The following PDE10A variants were observed in gnomAD, a reference collection of about 807,000 sequenced individuals.
PDE10A encodes the protein phosphodiesterase 10A.
PDE10A carries 39 observed loss-of-function variants against 97.7 expected under a neutral mutation model. The observed-to-expected ratio is 0.40, with a 90% CI of 0.31 to 0.52. PDE10A has a LOEUF of 0.52. Ranked by LOEUF, PDE10A falls within the 20% of genes least tolerant of loss-of-function variation. The pLI is 0.56. For synonymous variants in PDE10A, 371 were observed against 376.8 expected (o/e 0.98, Z 0.18); for missense variants, 731 against 1,047.8 (o/e 0.70, Z 4.17).
intron 1 of PDE10A, among the ~76,000 whole-genome samples, chr6:165,560,459 C>T (rs71571413): frequency 1.1e-4 from 17 of 152,008 alleles, no homozygotes; most frequent in Non-Finnish European, 2.2e-4. Context: ...TTCAGTCTTG[C>T]GATATTCTGA....
intron 1 of PDE10A, among the ~76,000 whole-genome samples, chr6:165,623,389 A>G (rs868658611): frequency 3.3e-5 from 5 of 152,130 alleles, no homozygotes; most frequent in Non-Finnish European, 7.3e-5. Flanking sequence ...AAGTGCTGGG[A>G]TTACAGGCGT....
intron 18 of PDE10A, among the ~76,000 whole-genome samples, chr6:165,346,994 C>T (rs1170563483): frequency 6.6e-6 from 1 of 152,054 alleles, no homozygotes; most frequent in East Asian, 1.9e-4. Context: ...AAGCTGTCAT[C>T]TAGCCTCATT....
intron 1 of PDE10A, among the ~76,000 whole-genome samples, chr6:165,815,252 C>T (rs375701224): frequency 6.6e-6 from 1 of 152,174 alleles, no homozygotes; most frequent in African/African-American, 2.4e-5. Flanking sequence ...ACAACTCTTC[C>T]CTACTGTCCC....
At chr6:165,723,453 CT>C (rs1347483520) in intron 1 of PDE10A, among the ~76,000 whole-genome samples, 1 of 152,170 alleles carries the variant, frequency 6.6e-6, no homozygotes, top group African/African-American at 2.4e-5. Flanking sequence ...TTTCCTTGTC[CT>C]TGTTCACATG....
rs931557603 is a variant in PDE10A at position 165,633,104 on chromosome 6, GA to G, written c.865+28842del. 8.6e-5 allele frequency among the ~76,000 whole-genome samples: 13 copies of G among 150,564 alleles called. No individual in the cohort carries two copies. The East Asian group carries it at 2.1e-3, about 25-fold the overall frequency. ...CAAAAAAAAAAAAGAAAAGAAAAAA[GA>G]AAAAAAAGAAACAGCTTTTGATCTT... is the stretch of plus-strand genomic sequence containing the variant. On this transcript the variant is annotated intron_variant, in intron 1 of 21. Coordinates refer to ENST00000539869, the MANE Select transcript of PDE10A (RefSeq NM_001385079.1).
intron 1 of PDE10A, among the ~76,000 whole-genome samples, chr6:165,875,731 G>GTTT (rs748111095): frequency 1.5e-4 from 7 of 46,936 alleles, no homozygotes; most frequent in African/African-American, 3.1e-4. Context: ...TTCTTTTACT[G>GTTT]TTTTTTTTTT....
At chr6:165,476,557 T>A (rs193057962) in intron 3 of PDE10A, among the ~76,000 whole-genome samples, 2 of 152,118 alleles carry the variant, frequency 1.3e-5, no homozygotes, top group East Asian at 3.9e-4. Flanking sequence ...GAGAATGAAA[T>A]AAATGTGAAA....
At chr6:165,533,995 A>G (rs1353702234) in intron 2 of PDE10A, among the ~76,000 whole-genome samples, 2 of 152,124 alleles carry the variant, frequency 1.3e-5, no homozygotes, top group Non-Finnish European at 2.9e-5. Flanking sequence ...TAACCTGGCC[A>G]AATACTCTCA....
chr6:165,617,671 G>GAA, intron 1 of PDE10A, among the ~76,000 whole-genome samples: 1 of 152,100 alleles, frequency 6.6e-6, no homozygotes, highest in Non-Finnish European at 1.5e-5. Context: ...CAGGACGTGG[G>GAA]ACTTGTGGTG....
chr6:165,601,319 T>C (rs141303519), intron 1 of PDE10A, among the ~76,000 whole-genome samples: 2,132 of 152,268 alleles, frequency 0.014, 37 homozygotes, highest in Non-Finnish European at 0.018. Context: ...AGTGTGAAAA[T>C]GGACTAATAT....
intron 1 of PDE10A, among the ~76,000 whole-genome samples, chr6:165,903,243 A>G (rs76325961): frequency 0.11 from 16,083 of 152,168 alleles, 1,137 homozygotes; most frequent in African/African-American, 0.19. Flanking sequence ...AATTAATGGT[A>G]TTTCATATGG....
chr6:165,908,515 C>A (rs1216988488), intron 1 of PDE10A, among the ~76,000 whole-genome samples: 3 of 152,184 alleles, frequency 2.0e-5, no homozygotes, highest in Non-Finnish European at 2.9e-5. Context: ...AAAAGAGAAT[C>A]CACATACAAT....
At chr6:165,728,198 G>A (rs1792344507) in intron 1 of PDE10A, among the ~76,000 whole-genome samples, 1 of 152,220 alleles carries the variant, frequency 6.6e-6, no homozygotes, top group Non-Finnish European at 1.5e-5. Flanking sequence ...TGCCAGAGCA[G>A]GTAGGGCCCC....
At chr6:165,826,746 C>T (rs118032034) in intron 1 of PDE10A, among the ~76,000 whole-genome samples, 1 of 146,016 alleles carries the variant, frequency 6.8e-6, no homozygotes, top group Admixed American at 6.9e-5. Flanking sequence ...ACTTGGCAAA[C>T]GGAGCTGACA....
intron 1 of PDE10A, among the ~76,000 whole-genome samples, chr6:165,838,775 C>T (rs751217167): frequency 3.3e-5 from 5 of 152,212 alleles, no homozygotes; most frequent in South Asian, 2.1e-4. Context: ...CTGCAAATGA[C>T]GAATGTCAAA....
At chr6:165,737,211 C>T (rs1792597210) in intron 1 of PDE10A, among the ~76,000 whole-genome samples, 1 of 152,166 alleles carries the variant, frequency 6.6e-6, no homozygotes, top group Non-Finnish European at 1.5e-5. Context: ...TTCTATCAAA[C>T]ATTTAAAGAA....
chr6:165,736,961 G>A (rs143933222), intron 1 of PDE10A, among the ~76,000 whole-genome samples: 1 of 152,098 alleles, frequency 6.6e-6, no homozygotes, highest in Non-Finnish European at 1.5e-5. Flanking sequence ...AAATGAAAGA[G>A]GAGACACTAC....
rs910320069 is a variant in PDE10A at position 165,608,110 on chromosome 6, A to G, written c.865+53837T>C. On this transcript the variant is annotated intron_variant, in intron 1 of 21. Transcript: ENST00000539869. ...TATATATGTGCATATATATACATGT[A>G]TATATATATATTTTATTATACTTTA... Among the ~76,000 whole-genome samples, 7 of 147,734 alleles carry G rather than the reference A, an allele frequency of 4.7e-5. No individual in the cohort carries two copies. In the South Asian group the frequency reaches 6.3e-4, roughly 13 times the overall value.
intron 1 of PDE10A, among the ~76,000 whole-genome samples, chr6:165,593,715 TA>T (rs1393080485): frequency 6.6e-6 from 1 of 152,250 alleles, no homozygotes; most frequent in Non-Finnish European, 1.5e-5. Flanking sequence ...CTTGCTGAGA[TA>T]TTTTTAAATG....
Sources: allele counts gnomAD v4.1 joint callset (sites outside exome capture counted in the v4.1 genomes callset), GRCh38; gene constraint gnomAD v4.1.1; transcripts MANE v1.5; gene names NCBI Gene and HGNC (gene_info 2026-07-23, HGNC 2026-07-21).